Variants in JPH3 observed in about 807,000 individuals in gnomAD.
The protein encoded by JPH3 is junctophilin 3.
A neutral mutation model predicts 59.6 loss-of-function variants in JPH3; 11 were observed. The ratio of observed to expected loss-of-function variants is 0.18; its 90% CI spans 0.12 to 0.31. The LOEUF (loss-of-function observed/expected upper bound fraction) is 0.31. Among genes scored for constraint, JPH3 ranks in the 10% least tolerant of loss-of-function variants. The pLI is 1.00. For missense variants in JPH3, 1,202 were observed against 1,105.7 expected (o/e 1.09, Z -1.24); for synonymous variants, 673 against 483.6 (o/e 1.39, Z -5.14).
Position 87,627,467 on chromosome 16 carries a change from G to A in JPH3, c.383-16791G>A, listed in dbSNP as rs553694355. ...GTAGTAGACACACAGGGTGGGCCTCGTGCCCAGTGTTGTCTAACATGCTTT... is the reference window on the plus strand; with the variant it reads ...GTAGTAGACACACAGGGTGGGCCTCATGCCCAGTGTTGTCTAACATGCTTT... On this transcript the variant is annotated intron_variant, in intron 1 of 4. Coordinates refer to ENST00000284262, the MANE Select transcript of JPH3 (RefSeq NM_020655.4). Among the ~76,000 whole-genome samples, 5 of 152,280 alleles carry A rather than the reference G, an allele frequency of 3.3e-5. No individual in the cohort carries two copies. The South Asian group carries it at 6.2e-4, about 19-fold the overall frequency.
rs1026083421 is a variant in JPH3 at position 87,611,627 on chromosome 16, A to C, written c.382+8099A>C. On this transcript the variant is annotated intron_variant, in intron 1 of 4. Coordinates refer to ENST00000284262, the MANE Select transcript of JPH3 (RefSeq NM_020655.4). The surrounding 1 kb of genome is among the most constrained non-coding windows in gnomAD (Gnocchi z 4.5). ...TGGTGGAGTCTGAGTTGGGCAGGAC[A>C]TGGGCCCGCCTCTGTCTGCTGCTCT... Among the ~76,000 whole-genome samples, 1 of 151,966 alleles carries C rather than the reference A, an allele frequency of 6.6e-6. No individual in the cohort carries two copies. Among genetic ancestry groups the C allele is most frequent in the Non-Finnish European group, 1.5e-5 (1 of 67,982 alleles).
At chr16:87,659,519 C>T (rs1416780816) in intron 2 of JPH3, among the ~76,000 whole-genome samples, 1 of 151,954 alleles carries the variant, frequency 6.6e-6, no homozygotes, top group South Asian at 2.1e-4. Flanking sequence ...GTCAGGAGTT[C>T]TGGACCAGTC....
At chr16:87,677,091 G>A (rs759328642) in intron 2 of JPH3, among the ~76,000 whole-genome samples, 36 of 150,670 alleles carry the variant, frequency 2.4e-4, no homozygotes, top group Non-Finnish European at 4.7e-4. Flanking sequence ...CCCGGGAGGT[G>A]GAGCTTACAG....
chr16:87,611,917 C>G lies in JPH3; in HGVS notation c.382+8389C>G, dbSNP rs1262398203. Among the ~76,000 whole-genome samples, 1 of 152,184 alleles carries G rather than the reference C, an allele frequency of 6.6e-6. No homozygotes were observed. Among genetic ancestry groups the G allele is most frequent in the Admixed American group, 6.5e-5 (1 of 15,286 alleles). On this transcript the variant is annotated intron_variant, in intron 1 of 4. Transcript: ENST00000284262. The surrounding 1 kb of genome is among the most constrained non-coding windows in gnomAD (Gnocchi z 4.5). Reference sequence around the variant, plus strand: ...GGAGACGGTTAGAAATGCAGCGTGTCAGGCCTGCCTGACCTCCAGGGTCAG... The same window carrying G: ...GGAGACGGTTAGAAATGCAGCGTGTGAGGCCTGCCTGACCTCCAGGGTCAG...
At position 87,659,374 on chromosome 16, in the gene JPH3, C is replaced by CAAAAAA. The variant is rs1354448370; in HGVS notation, c.1160+14346_1160+14351dup. On this transcript the variant is annotated intron_variant, in intron 2 of 4. Coordinates refer to ENST00000284262, the MANE Select transcript of JPH3 (RefSeq NM_020655.4). ...CCTGGGTGACAGAGTAAGACTGTCT[C>CAAAAAA]AAAAAAAAAAAAGAAAAAAAAAAAG... 8.7e-4 allele frequency among the ~76,000 whole-genome samples: 65 copies of CAAAAAA among 74,488 alleles called. 1 individual carries two copies. The highest frequency in any genetic ancestry group is 9.9e-4 in the African/African-American group (16 of 16,132). The allele number at this position is 74,488 out of a possible 152,430, so 48.9% of individuals were successfully genotyped here. A position where few individuals can be genotyped will look rare whatever the true frequency, so the allele number is the denominator to read the frequency against.
chr16:87,691,095 C>CCA lies in JPH3; in HGVS notation c.2166+570_2166+571dup, dbSNP rs1555543755. 1.1e-3 allele frequency among the ~76,000 whole-genome samples: 163 copies of CCA among 151,132 alleles called. 2 individuals are homozygous for CCA. The highest frequency in any genetic ancestry group is 3.9e-3 in the African/African-American group (161 of 41,244). On this transcript the variant is annotated intron_variant, in intron 4 of 4. Transcript: ENST00000284262. The stretch of plus-strand genomic sequence containing the variant: ...GTCAGCCTCACCCAGCACCCCCCCC[C>CCA]CAAATTCGTTCCTCCAGGGCAGGCA...
chr16:87,696,490 G>A, intron 4 of JPH3, 90 bp from the exon 5 acceptor site: 4 of 1,068,236 alleles, frequency 3.7e-6, no homozygotes, highest in Non-Finnish European at 5.7e-6. Context: ...GGGTCTGCTA[G>A]CTTGGTGAAA....
intron 4 of JPH3, chr16:87,695,388 C>G (rs936448010): frequency 1.1e-5 from 5 of 456,028 alleles, no homozygotes; most frequent in African/African-American, 1.0e-4. Flanking sequence ...CTGGGACCTT[C>G]AGGACAAGCC....
intron 2 of JPH3, among the ~76,000 whole-genome samples, chr16:87,657,072 G>A (rs182836878): frequency 2.0e-5 from 3 of 152,184 alleles, no homozygotes; most frequent in Admixed American, 6.5e-5. Context: ...TTGTCATAGC[G>A]GAGGCTTCAC....
chr16:87,619,577 C>A (rs73234331), intron 1 of JPH3, among the ~76,000 whole-genome samples: 2 of 152,184 alleles, frequency 1.3e-5, no homozygotes, highest in Non-Finnish European at 2.9e-5. Context: ...TCTCAGTCTG[C>A]GGCTTGGAGG....
intron 1 of JPH3, among the ~76,000 whole-genome samples, chr16:87,618,357 C>T (rs2031050125): frequency 1.3e-5 from 2 of 152,080 alleles, no homozygotes; most frequent in South Asian, 4.1e-4. Flanking sequence ...AGGGCGTGGA[C>T]AGGCCGGGAA....
chr16:87,637,632 C>T (rs567743275), intron 1 of JPH3, among the ~76,000 whole-genome samples: 2 of 152,112 alleles, frequency 1.3e-5, no homozygotes, highest in Non-Finnish European at 2.9e-5. Context: ...CCCTTCTGCT[C>T]TCCTTTCCAG....
intron 2 of JPH3, 106 bp downstream of exon 2, chr16:87,645,141 T>C: frequency 8.5e-7 from 1 of 1,177,418 alleles, no homozygotes; most frequent in Non-Finnish European, 1.2e-6. Context: ...TAGGCCCAGT[T>C]TGAGGCCTAC....
intron 1 of JPH3, among the ~76,000 whole-genome samples, chr16:87,636,741 G>A (rs949562543): frequency 2.0e-5 from 3 of 152,212 alleles, no homozygotes; most frequent in African/African-American, 2.4e-5. Flanking sequence ...TTGCAAACAC[G>A]GGGCAGGAAA....
Position 87,690,190 on chromosome 16 carries a change from C to T in JPH3, c.1830C>T (p.Asn610=), listed in dbSNP as rs1164033325. ...LLELQEEKLS[N]YRMEMKPLLR... Reference sequence around the variant, plus strand: ...AGCTGCAGGAGGAGAAGCTGAGCAACTACCGGATGGAGATGAAACCCTTGC... The same window carrying T: ...AGCTGCAGGAGGAGAAGCTGAGCAATTACCGGATGGAGATGAAACCCTTGC... The change falls in exon 4 of 5, where the codon AAC becomes AAT. Residue 610 remains asparagine, a synonymous_variant. Coordinates refer to ENST00000284262, the MANE Select transcript of JPH3 (RefSeq NM_020655.4). The T allele has an allele frequency of 3.1e-6, 5 of 1,602,170 alleles. No homozygotes were observed. The highest frequency in any genetic ancestry group is 4.3e-6 in the Non-Finnish European group (5 of 1,174,952).
intron 1 of JPH3, among the ~76,000 whole-genome samples, chr16:87,634,401 G>A (rs7205669): frequency 6.6e-6 from 1 of 152,138 alleles, no homozygotes; most frequent in Non-Finnish European, 1.5e-5. Flanking sequence ...TCAGAGCCGG[G>A]AATGGGGAGG....
chr16:87,658,456 C>G (rs1327424043), intron 2 of JPH3, among the ~76,000 whole-genome samples: 1 of 151,628 alleles, frequency 6.6e-6, no homozygotes, highest in Non-Finnish European at 1.5e-5. Flanking sequence ...TGCTCTCTGT[C>G]TCTCTGTCCT....
At chr16:87,629,707 G>A (rs561076601) in intron 1 of JPH3, among the ~76,000 whole-genome samples, 6 of 152,174 alleles carry the variant, frequency 3.9e-5, no homozygotes, top group South Asian at 2.1e-4. Flanking sequence ...ACAGACAGGC[G>A]GAGCCCGGGG....
At chr16:87,643,401 A>G (rs1305885333) in intron 1 of JPH3, among the ~76,000 whole-genome samples, 3 of 141,910 alleles carry the variant, frequency 2.1e-5, no homozygotes, top group African/African-American at 8.0e-5. Flanking sequence ...TTCTGGGGAT[A>G]TCAGGTCTGC....
Sources: gnomAD v4.1 joint callset for allele counts (sites outside exome capture counted in the v4.1 genomes callset) on GRCh38, gnomAD v4.1.1 for gene constraint, Gnocchi (gnomAD v3.1) non-coding constraint, MANE v1.5 for transcripts, NCBI Gene and HGNC (gene_info 2026-07-23, HGNC 2026-07-21) for gene names.